Variants in MRPS18A observed in about 807,000 individuals in gnomAD.
MRPS18A encodes large ribosomal subunit protein mL66.
A neutral mutation model predicts 22.7 loss-of-function variants in MRPS18A; 20 were observed. The ratio of observed to expected loss-of-function variants is 0.88; its 90% CI spans 0.62 to 1.28. MRPS18A has a LOEUF of 1.28. MRPS18A is among the 50% of genes most tolerant of loss of function. MRPS18A has a pLI of 0.00. For synonymous variants in MRPS18A, 106 were observed against 99.1 expected (o/e 1.07, Z -0.41); for missense variants, 294 against 262.6 (o/e 1.12, Z -0.83).
rs772699905 is a variant in MRPS18A at position 43,681,082 on chromosome 6, T to C, written c.144+7A>G. The C allele has an allele frequency of 1.9e-6, 3 of 1,613,458 alleles. No individual in the cohort carries two copies. The highest frequency in any genetic ancestry group is 2.5e-6 in the Non-Finnish European group (3 of 1,179,496). ...AGGTTATACATGGCCAACTCAACGA[T>C]ACTTACTATAGTTGTCTTCCCTTCT... On this transcript the variant is annotated splice_region_variant and intron_variant, in intron 2 of 5. Transcript: ENST00000372133.
chr6:43,672,180 T>C (rs1268041812), intron 5 of MRPS18A: 2 of 535,320 alleles, frequency 3.7e-6, no homozygotes, highest in South Asian at 2.1e-5. Context: ...TCAATGTTGG[T>C]GTGTGTTTGC....
rs1774005675 is a variant in MRPS18A, at chr6:43,675,540, T to C, written c.330A>G (p.Glu110=). 1.2e-5 allele frequency: 20 copies of C among 1,614,064 alleles called. No individual in the cohort carries two copies. Among genetic ancestry groups the C allele is most frequent in the Non-Finnish European group, 1.7e-5 (20 of 1,180,044 alleles). The change falls in exon 4 of 6, where the codon GAA becomes GAG. Residue 110 remains glutamate (E), a synonymous_variant. Coordinates refer to ENST00000372133, the MANE Select transcript of MRPS18A (RefSeq NM_018135.4). ...CACACTCCTCGATCTTGCGGTGTTC[T>C]TCCTGGCATAGGCCTGTGATCTTTC... The part of the protein sequence containing the change: ...LPRKITGLCQ[E]EHRKIEECVK...
intron 3 of MRPS18A, among the ~76,000 whole-genome samples, chr6:43,676,486 G>A (rs1213633975): frequency 6.6e-6 from 1 of 152,170 alleles, no homozygotes; most frequent in Non-Finnish European, 1.5e-5. Context: ...GATCTGAGTG[G>A]ATTCTTGGGC....
intron 3 of MRPS18A, among the ~76,000 whole-genome samples, chr6:43,676,082 C>G (rs913053320): frequency 6.6e-6 from 1 of 152,068 alleles, no homozygotes; most frequent in South Asian, 2.1e-4. Flanking sequence ...AACTCCTGGG[C>G]TCAAGCAATC....
chr6:43,678,326 T>C (rs1314219059), intron 3 of MRPS18A, 192 bp downstream of exon 3: 7 of 505,658 alleles, frequency 1.4e-5, no homozygotes, highest in South Asian at 4.1e-5. Flanking sequence ...CCATGCATCA[T>C]TATTTTTTAA....
At chr6:43,686,680 C>T (rs570000926) in intron 1 of MRPS18A, among the ~76,000 whole-genome samples, 192 of 152,312 alleles carry the variant, frequency 1.3e-3, no homozygotes, top group African/African-American at 4.5e-3. Context: ...CCACTGGATA[C>T]TTCTCAGCTT....
rs2127941427 is a variant in MRPS18A at position 43,673,675 on chromosome 6, T to G, written c.446+1527A>C. ...TAAACCAGCCCCTTCCTACCTCTCC[T>G]GAAGGGGCAGCAGGAGGAGCGACAC... On this transcript the variant is annotated intron_variant, in intron 5 of 5. Coordinates refer to ENST00000372133, the MANE Select transcript of MRPS18A (RefSeq NM_018135.4). The surrounding 1 kb of genome is among the most constrained non-coding windows in gnomAD (Gnocchi z 4.2). Among the ~76,000 whole-genome samples, 1 of 152,224 alleles carries G rather than the reference T, an allele frequency of 6.6e-6. No homozygotes were observed. Among genetic ancestry groups the G allele is most frequent in the Middle Eastern group, 3.4e-3 (1 of 294 alleles).
At chr6:43,672,173 A>G (rs1045886763) in intron 5 of MRPS18A, 9 of 547,384 alleles carry the variant, frequency 1.6e-5, no homozygotes, top group Non-Finnish European at 2.4e-5. Context: ...GTAAATGTCA[A>G]TGTTGGTGTG....
chr6:43,673,878 C>T lies in MRPS18A; in HGVS notation c.446+1324G>A, dbSNP rs929388869. On this transcript the variant is annotated intron_variant, in intron 5 of 5. Coordinates refer to ENST00000372133, the MANE Select transcript of MRPS18A (RefSeq NM_018135.4). This position sits in a 1 kb window ranked among gnomAD's most constrained non-coding sequence, Gnocchi z 4.2. ...CCCACACATCATCAATCCTGTGTCA[C>T]GTTAAAGGATGCCGGATGTATGGGA... 2.0e-5 allele frequency among the ~76,000 whole-genome samples: 3 copies of T among 152,214 alleles called. No homozygotes were observed. The highest frequency in any genetic ancestry group is 2.1e-4 in the South Asian group (1 of 4,828).
At chr6:43,682,864 C>T (rs1774492727) in intron 1 of MRPS18A, among the ~76,000 whole-genome samples, 1 of 152,194 alleles carries the variant, frequency 6.6e-6, no homozygotes, top group East Asian at 1.9e-4. Flanking sequence ...GTTCCAGGCA[C>T]CCTGCAACTT....
At position 43,687,536 on chromosome 6, in the gene MRPS18A, G is replaced by A; in HGVS notation, c.112+132C>T. On this transcript the variant is annotated intron_variant, in intron 1 of 5. Transcript: ENST00000372133. ...GGGTGTGGAAGGGGCTTTTAAGCAC[G>A]CCTGGGGAGCCGGTACCTCCAAAGT... is the stretch of plus-strand genomic sequence containing the variant. 15 of 771,888 alleles carry A rather than the reference G, an allele frequency of 1.9e-5. 1 individual carries two copies. In the South Asian group the frequency reaches 2.4e-4, roughly 12 times the overall value. 47.8% of individuals were successfully genotyped at this position (771,888 alleles called of 1,614,324 possible). A position where few individuals can be genotyped will look rare whatever the true frequency, so the allele number is the denominator to read the frequency against.
At position 43,671,761 on chromosome 6, in the gene MRPS18A, G is replaced by C; in HGVS notation, c.*1C>G. The C allele has an allele frequency of 6.2e-7, 1 of 1,614,204 alleles. No homozygotes were observed. Among genetic ancestry groups the C allele is most frequent in the Non-Finnish European group, 8.5e-7 (1 of 1,180,022 alleles). On this transcript the variant is annotated 3_prime_UTR_variant, in exon 6 of 6. Coordinates refer to ENST00000372133, the MANE Select transcript of MRPS18A (RefSeq NM_018135.4). ...AGGAACTCTGGAAGCACTGCTCTCT[G>C]TCAGTGATACAGCTTCCAAGGTGTT...
In MRPS18A at chr6:43,675,600, G is replaced by C. The variant is rs1319962736; in HGVS notation, c.270C>G (p.Ser90Arg). ...TGCCTCCATGAGGCCGGATGAACTG[G>C]CTAAGCAGCAGAACATCCTAGTGGA... ...KYNYDDVLLLSQFIRPHGGML... is the reference protein window; with the variant it reads ...KYNYDDVLLLRQFIRPHGGML... The change falls in exon 4 of 6, where the codon AGC becomes AGG. Residue 90 changes from serine to arginine, a missense_variant. Physicochemically the swap from Ser to Arg is moderately radical, Grantham distance 110. Coordinates refer to ENST00000372133, the MANE Select transcript of MRPS18A (RefSeq NM_018135.4). 1 of 1,612,446 alleles carries C rather than the reference G, an allele frequency of 6.2e-7. No individual in the cohort carries two copies. Among genetic ancestry groups the C allele is most frequent in the South Asian group, 1.1e-5 (1 of 91,010 alleles).
intron 1 of MRPS18A, among the ~76,000 whole-genome samples, 189 bp from the exon 2 acceptor site, chr6:43,681,309 G>A (rs180962725): frequency 9.2e-5 from 14 of 152,334 alleles, no homozygotes; most frequent in African/African-American, 2.4e-4. Context: ...CCCTTGAGGC[G>A]GGGTGGGGGC....
rs1189263688 is a variant in MRPS18A, at chr6:43,671,443, C to T, written c.*319G>A. 4.5e-6 allele frequency: 2 copies of T among 448,562 alleles called. No homozygotes were observed. The highest frequency in any genetic ancestry group is 2.0e-5 in the African/African-American group (1 of 50,628). 27.8% of individuals were successfully genotyped at this position (448,562 alleles called of 1,614,324 possible). A position where few individuals can be genotyped will look rare whatever the true frequency, so the allele number is the denominator to read the frequency against. ...CTGCACTTCCCAAGCAGTGAGCGCA[C>T]ACCCAATGGGTAAGCCCATGAACCC... On this transcript the variant is annotated 3_prime_UTR_variant, in exon 6 of 6. Coordinates refer to ENST00000372133, the MANE Select transcript of MRPS18A (RefSeq NM_018135.4).
At chr6:43,672,850 C>T (rs1367489615) in intron 5 of MRPS18A, among the ~76,000 whole-genome samples, 1 of 152,216 alleles carries the variant, frequency 6.6e-6, no homozygotes, top group East Asian at 1.9e-4. Context: ...CCTGTGTTGA[C>T]AGAAGCTGCG....
rs866552765 is a variant in MRPS18A, at chr6:43,687,748, C to T, written c.32G>A (p.Cys11Tyr). 1.3e-6 allele frequency: 2 copies of T among 1,584,768 alleles called. No individual in the cohort carries two copies. The highest frequency in any genetic ancestry group is 1.8e-5 in the Admixed American group (1 of 54,678). The change falls in exon 1 of 6, where the codon TGT becomes TAT. Residue 11 changes from cysteine (C) to tyrosine (Y), a missense_variant. By Grantham distance (194) the Cys-to-Tyr change is radical. Transcript: ENST00000372133. MAALKALVSG[C>Y]GRLLRGLLAG... ...TAGTAGCCCACGGAGAAGCCGCCCA[C>T]AGCCGGACACCAGAGCCTTGAGGGC...
chr6:43,675,091 A>C, intron 5 of MRPS18A, 111 bp downstream of exon 5: 1 of 927,360 alleles, frequency 1.1e-6, no homozygotes, highest in Non-Finnish European at 1.6e-6. Flanking sequence ...GCAGGGGTGG[A>C]CTGATGGGGG....
intron 2 of MRPS18A, among the ~76,000 whole-genome samples, chr6:43,680,247 G>GGC (rs1774321642): frequency 6.6e-6 from 1 of 152,160 alleles, no homozygotes; most frequent in South Asian, 2.1e-4. Context: ...GGATTGGGGG[G>GGC]GGTCCCCTAA....
Sources: gnomAD v4.1 joint callset for allele counts (sites outside exome capture counted in the v4.1 genomes callset) on GRCh38, gnomAD v4.1.1 for gene constraint, Gnocchi (gnomAD v3.1) non-coding constraint, MANE v1.5 for transcripts, NCBI Gene and HGNC (gene_info 2026-07-23, HGNC 2026-07-21) for gene names.